The following PI4K2A variants were observed in gnomAD, a reference collection of about 807,000 sequenced individuals.
The protein encoded by PI4K2A is phosphatidylinositol 4-kinase type 2 alpha.
In PI4K2A, 20 loss-of-function variants were observed where a neutral mutation model predicts 55.0. That is an observed-to-expected ratio of 0.36 (90% confidence interval 0.26 to 0.53). PI4K2A has a LOEUF of 0.53. Among genes scored for constraint, PI4K2A ranks in the 20% least tolerant of loss-of-function variants. The pLI, the probability that PI4K2A is intolerant of heterozygous loss-of-function variation, is 0.91. For missense variants in PI4K2A, 463 were observed against 637.1 expected (o/e 0.73, Z 2.94); for synonymous variants, 235 against 258.5 (o/e 0.91, Z 0.87).
At chr10:97,671,139 GAA>G (rs200845848) in intron 8 of PI4K2A, among the ~76,000 whole-genome samples, 1 of 145,834 alleles carries the variant, frequency 6.9e-6, no homozygotes, top group African/African-American at 2.5e-5. Flanking sequence ...CTCCGTCTCA[GAA>G]AAAAAAAAAG....
At chr10:97,642,876 TCTTTCTTTCTTCCTTC>T (rs2041483088) in intron 1 of PI4K2A, among the ~76,000 whole-genome samples, 15 of 123,342 alleles carry the variant, frequency 1.2e-4, no homozygotes, top group South Asian at 2.5e-4. Flanking sequence ...TTTCTTTCTT[TCTTTCTTTCTTCCTTC>T]CTTCCTTCCT....
At position 97,657,065 on chromosome 10, in the gene PI4K2A, A is replaced by G; in HGVS notation, c.922+91A>G. On this transcript the variant is annotated intron_variant, in intron 4 of 8. Transcript: ENST00000370631. ...GCTTGCAGGGCTTGGGAGTCAGAGT[A>G]CCTTGTCCAGACACATCATGTGTAG... The G allele has an allele frequency of 3.9e-6, 5 of 1,295,048 alleles. No individual in the cohort carries two copies. The South Asian group carries it at 6.2e-5, about 16-fold the overall frequency. The allele number at this position is 1,295,048 out of a possible 1,614,324, so 80.2% of individuals were successfully genotyped here.
chr10:97,650,818 C>T (rs1159119482), intron 1 of PI4K2A, 123 bp from the exon 2 acceptor site: 2 of 708,616 alleles, frequency 2.8e-6, no homozygotes, highest in Non-Finnish European at 4.8e-6. Flanking sequence ...AACCTGAGTC[C>T]AACTGTAAGT....
intron 7 of PI4K2A, 72 bp downstream of exon 7, chr10:97,666,643 T>C: frequency 1.5e-6 from 2 of 1,363,748 alleles, no homozygotes; most frequent in Admixed American, 2.2e-5. Flanking sequence ...TAATTGGTCC[T>C]GACAAAAGCC....
At chr10:97,662,770 C>A (rs2041591875) in intron 4 of PI4K2A, 137 bp from the exon 5 acceptor site, 5 of 667,306 alleles carry the variant, frequency 7.5e-6, no homozygotes, top group Non-Finnish European at 1.1e-5. Context: ...TAAAAAAGAT[C>A]TAAAAATATT....
chr10:97,665,267 T>TA (rs2041604163), intron 6 of PI4K2A, among the ~76,000 whole-genome samples: 2 of 152,180 alleles, frequency 1.3e-5, no homozygotes, highest in African/African-American at 4.8e-5. Flanking sequence ...TTCTTCTCGT[T>TA]CTTTCTGAGG....
chr10:97,640,757 C>A, exon 1 of PI4K2A: 1 of 1,513,004 alleles, frequency 6.6e-7, no homozygotes, highest in Non-Finnish European at 8.8e-7. Flanking sequence ...ACGAGACGAG[C>A]CCACTAGTGT....
At chr10:97,668,947 C>T (rs965733666) in intron 8 of PI4K2A, among the ~76,000 whole-genome samples, 1 of 152,076 alleles carries the variant, frequency 6.6e-6, no homozygotes, top group African/African-American at 2.4e-5. Context: ...CTCACTGCAA[C>T]CTTCACCTCC....
At chr10:97,666,358 A>G in intron 6 of PI4K2A, 80 bp from the exon 7 acceptor site, 1 of 1,325,320 alleles carries the variant, frequency 7.5e-7, no homozygotes, top group Non-Finnish European at 1.1e-6. Flanking sequence ...TCCTTTAGAA[A>G]GTGCCTTGAC....
chr10:97,645,758 G>T (rs1309636953), intron 1 of PI4K2A, among the ~76,000 whole-genome samples: 2 of 151,112 alleles, frequency 1.3e-5, no homozygotes, highest in Non-Finnish European at 2.9e-5. Flanking sequence ...TCACCCTGTC[G>T]CCCAGGCTGG....
intron 2 of PI4K2A, among the ~76,000 whole-genome samples, chr10:97,654,027 C>A (rs1338844538): frequency 6.6e-6 from 1 of 152,232 alleles, no homozygotes; most frequent in Non-Finnish European, 1.5e-5. Context: ...GTCTCCCCAA[C>A]TCTTGTGACA....
At position 97,642,425 on chromosome 10, in the gene PI4K2A, A is replaced by G. The variant is rs185858752; in HGVS notation, c.435+1248A>G. ...TTTTTTTTTCTTTTTTTTTTGAGAC[A>G]GAGTCTTGCTCTGTCGCCAGGCTGG... On this transcript the variant is annotated intron_variant, in intron 1 of 8. Transcript: ENST00000370631. Among the ~76,000 whole-genome samples, 1,083 of 148,972 alleles carry G rather than the reference A, an allele frequency of 7.3e-3. 14 individuals are homozygous for G. The highest frequency in any genetic ancestry group is 0.026 in the African/African-American group (1,036 of 40,312).
chr10:97,673,880 G>GGAGA, exon 9 of PI4K2A: 1 of 726,532 alleles, frequency 1.4e-6, no homozygotes, highest in African/African-American at 1.8e-5. Context: ...ACCCTGCTCA[G>GGAGA]AGCTTTCCAC....
intron 4 of PI4K2A, among the ~76,000 whole-genome samples, chr10:97,660,297 G>A (rs1172164740): frequency 2.2e-5 from 3 of 135,464 alleles, no homozygotes; most frequent in South Asian, 2.6e-4. Flanking sequence ...CACCGCGCCC[G>A]GCCTTTTTTT....
chr10:97,642,890 TTCCTTCCTTCCTTCCTTCCTTC>T (rs2041484410), intron 1 of PI4K2A, among the ~76,000 whole-genome samples: 1 of 127,816 alleles, frequency 7.8e-6, no homozygotes. Flanking sequence ...TCTTTCTTCC[TTCCTTCCTTCCTTCCTTCCTTC>T]CTTCCTTCCT....
At chr10:97,665,631 C>T (rs1441615373) in intron 6 of PI4K2A, among the ~76,000 whole-genome samples, 1 of 148,060 alleles carries the variant, frequency 6.8e-6, no homozygotes, top group Non-Finnish European at 1.5e-5. Context: ...CTTGCCCTGT[C>T]GCCCAGGCTG....
Position 97,656,257 on chromosome 10 carries a change from C to T in PI4K2A, c.637-28C>T. 1.2e-6 allele frequency: 2 copies of T among 1,601,546 alleles called. No individual in the cohort carries two copies. The highest frequency in any genetic ancestry group is 1.7e-6 in the Non-Finnish European group (2 of 1,169,284). On this transcript the variant is annotated intron_variant, in intron 2 of 8. Transcript: ENST00000370631. This position sits in a 1 kb window ranked among gnomAD's most constrained non-coding sequence, Gnocchi z 4.5. Reference sequence around the variant, plus strand: ...TCTGGTTCCTTAAACTTGACTCTAACCTTAGTATCTCTTCTCTTTCACTGT... The same window carrying T: ...TCTGGTTCCTTAAACTTGACTCTAATCTTAGTATCTCTTCTCTTTCACTGT...
At position 97,654,406 on chromosome 10, in the gene PI4K2A, T is replaced by C. The variant is rs116766770; in HGVS notation, c.637-1879T>C. On this transcript the variant is annotated intron_variant, in intron 2 of 8. Transcript: ENST00000370631. ...CCATGCACATCCATTTTAGGTAGTC[T>C]ATTAATACTAGATGGTAGCATGGAG... Among the ~76,000 whole-genome samples, 1,406 of 152,190 alleles carry C rather than the reference T, an allele frequency of 9.2e-3. 19 individuals are homozygous for C. The highest frequency in any genetic ancestry group is 0.028 in the African/African-American group (1,161 of 41,508).
At chr10:97,646,950 AT>A (rs552575307) in intron 1 of PI4K2A, among the ~76,000 whole-genome samples, 90 of 139,636 alleles carry the variant, frequency 6.4e-4, no homozygotes, top group Admixed American at 6.4e-4. Context: ...AATTTTTTCT[AT>A]TTTTTTTTTT....
Sources: allele counts gnomAD v4.1 joint callset (sites outside exome capture counted in the v4.1 genomes callset), GRCh38; gene constraint gnomAD v4.1.1; non-coding constraint Gnocchi (gnomAD v3.1); transcripts MANE v1.5; gene names NCBI Gene and HGNC (gene_info 2026-07-23, HGNC 2026-07-21).